The following CLSTN2 variants were observed in gnomAD, a reference collection of about 807,000 sequenced individuals.
The protein encoded by CLSTN2 is calsyntenin 2.
A neutral mutation model predicts 101.2 loss-of-function variants in CLSTN2; 48 were observed. The ratio of observed to expected loss-of-function variants is 0.47; its 90% confidence interval spans 0.38 to 0.60. CLSTN2 has a LOEUF of 0.60. Ranked by LOEUF, CLSTN2 falls within the 20% of genes least tolerant of loss-of-function variation. The probability of loss-of-function intolerance (pLI) is 0.00; values close to 1 mark genes in which losing one functional copy is unlikely to be tolerated. For missense variants in CLSTN2, 1,160 were observed against 1,238.2 expected (o/e 0.94, Z 0.95); for synonymous variants, 481 against 463.6 (o/e 1.04, Z -0.48).
At chr3:140,304,692 G>T (rs1576507195) in intron 2 of CLSTN2, among the ~76,000 whole-genome samples, 1 of 152,110 alleles carries the variant, frequency 6.6e-6, no homozygotes, top group South Asian at 2.1e-4. Context: ...ACTCTCCAGG[G>T]CTGTAGTGGA....
intron 1 of CLSTN2, among the ~76,000 whole-genome samples, chr3:140,022,454 A>G (rs1219088023): frequency 6.6e-6 from 1 of 152,180 alleles, no homozygotes; most frequent in Non-Finnish European, 1.5e-5. Context: ...TGCCCAGGAG[A>G]GGGGTCCACT....
intron 1 of CLSTN2, among the ~76,000 whole-genome samples, chr3:140,033,127 A>G (rs954498476): frequency 6.6e-6 from 1 of 152,248 alleles, no homozygotes. Context: ...GAAAAGAAAT[A>G]GGAGGACTGA....
intron 4 of CLSTN2, among the ~76,000 whole-genome samples, chr3:140,406,639 C>T (rs2088305604): frequency 6.6e-6 from 1 of 152,250 alleles, no homozygotes; most frequent in Admixed American, 6.5e-5. Context: ...CATGTGCACA[C>T]ACCACTCCAT....
At chr3:140,521,432 T>C (rs1576610071) in intron 8 of CLSTN2, among the ~76,000 whole-genome samples, 2 of 152,306 alleles carry the variant, frequency 1.3e-5, no homozygotes, top group East Asian at 1.9e-4. Context: ...CAGTTTTTCC[T>C]GTACCTGGAT....
intron 2 of CLSTN2, among the ~76,000 whole-genome samples, chr3:140,235,335 C>G (rs2086407092): frequency 6.6e-6 from 1 of 152,118 alleles, no homozygotes; most frequent in Non-Finnish European, 1.5e-5. Context: ...TTACCCTTTC[C>G]TTTCCACGAA....
chr3:140,524,453 CTTGAG>C (rs996123524), intron 8 of CLSTN2, among the ~76,000 whole-genome samples: 7 of 152,134 alleles, frequency 4.6e-5, no homozygotes, highest in African/African-American at 7.2e-5. Flanking sequence ...TTATATGTTC[CTTGAG>C]TTAAGATATC....
chr3:140,141,545 A>G (rs1043813758), intron 1 of CLSTN2, among the ~76,000 whole-genome samples: 4 of 152,212 alleles, frequency 2.6e-5, no homozygotes, highest in Non-Finnish European at 5.9e-5. Context: ...CAATAATAGC[A>G]AGCCAGACAA....
rs866071553 is a variant in CLSTN2, at chr3:140,419,926, T to C, written c.638-1199T>C. On this transcript the variant is annotated intron_variant, in intron 4 of 16. Transcript: ENST00000458420. Reference sequence around the variant, plus strand: ...GATTTTTTTTTTCAGACAGTCTTGCTCTGTCACCCAGGCTGGAGTACAGTG... The same window carrying C: ...GATTTTTTTTTTCAGACAGTCTTGCCCTGTCACCCAGGCTGGAGTACAGTG... Among the ~76,000 whole-genome samples, 5 of 148,088 alleles carry C rather than the reference T, an allele frequency of 3.4e-5. No individual in the cohort carries two copies. The South Asian group carries it at 8.6e-4, about 25-fold the overall frequency.
At chr3:140,474,396 C>T (rs1195690390) in intron 8 of CLSTN2, among the ~76,000 whole-genome samples, 1 of 152,138 alleles carries the variant, frequency 6.6e-6, no homozygotes, top group African/African-American at 2.4e-5. Flanking sequence ...CCTGGCTTTT[C>T]ACCAGGCCTG....
At position 140,097,471 on chromosome 3, in the gene CLSTN2, C is replaced by T. The variant is rs555889110; in HGVS notation, c.110-78480C>T. Reference sequence around the variant, plus strand: ...TCACAGCAGCCAATATACTTCAGCTCTAACTATGTGCCCTTGAAGAGCTTA... The same window carrying T: ...TCACAGCAGCCAATATACTTCAGCTTTAACTATGTGCCCTTGAAGAGCTTA... On this transcript the variant is annotated intron_variant, in intron 1 of 16. Coordinates refer to ENST00000458420, the MANE Select transcript of CLSTN2 (RefSeq NM_022131.3). Among the ~76,000 whole-genome samples, 239 of 152,298 alleles carry T rather than the reference C, an allele frequency of 1.6e-3. 1 individual carries two copies. Among genetic ancestry groups the T allele is most frequent in the African/African-American group, 5.3e-3 (221 of 41,570 alleles).
chr3:140,097,426 C>T (rs2008886979), intron 1 of CLSTN2, among the ~76,000 whole-genome samples: 1 of 152,118 alleles, frequency 6.6e-6, no homozygotes, highest in Non-Finnish European at 1.5e-5. Context: ...TTCTTGCGAT[C>T]ACCTTGATGA....
intron 1 of CLSTN2, among the ~76,000 whole-genome samples, chr3:140,035,327 G>A (rs2007633161): frequency 6.6e-6 from 1 of 152,242 alleles, no homozygotes; most frequent in Admixed American, 6.5e-5. Flanking sequence ...GGATGGGAAT[G>A]TCATGGTGCT....
intron 2 of CLSTN2, among the ~76,000 whole-genome samples, chr3:140,204,690 T>G (rs761121114): frequency 1.3e-5 from 2 of 152,138 alleles, no homozygotes; most frequent in Middle Eastern, 6.8e-3. Context: ...TATGCCCAAA[T>G]GTCCCTGCCT....
At position 139,953,146 on chromosome 3, in the gene CLSTN2, A is replaced by G. The variant is rs189149825; in HGVS notation, c.109+17663A>G. On this transcript the variant is annotated intron_variant, in intron 1 of 16. Transcript: ENST00000458420. ...GTTCAACCTCATAGCTGGCCTTGATACCTTCTAGGAAATGCCTTTCATCAG... is the reference window on the plus strand; with the variant it reads ...GTTCAACCTCATAGCTGGCCTTGATGCCTTCTAGGAAATGCCTTTCATCAG... Among the ~76,000 whole-genome samples, 4 of 152,212 alleles carry G rather than the reference A, an allele frequency of 2.6e-5. No homozygotes were observed. The East Asian group carries it at 7.7e-4, about 29-fold the overall frequency.
At chr3:140,331,044 A>G (rs1002389884) in intron 2 of CLSTN2, among the ~76,000 whole-genome samples, 4 of 152,206 alleles carry the variant, frequency 2.6e-5, no homozygotes, top group African/African-American at 9.7e-5. Flanking sequence ...GAAAGACAGA[A>G]GTTGGTAGCA....
intron 8 of CLSTN2, among the ~76,000 whole-genome samples, chr3:140,494,091 A>C (rs1934403171): frequency 6.6e-6 from 1 of 152,210 alleles, no homozygotes; most frequent in South Asian, 2.1e-4. Context: ...TTATGGACAT[A>C]ATAAGACAAT....
intron 2 of CLSTN2, among the ~76,000 whole-genome samples, chr3:140,206,855 G>T (rs771248186): frequency 2.6e-5 from 4 of 152,140 alleles, no homozygotes; most frequent in Non-Finnish European, 5.9e-5. Context: ...ATGCCCAGTA[G>T]CCAATAGACA....
chr3:140,051,505 A>C (rs866777965), intron 1 of CLSTN2, among the ~76,000 whole-genome samples: 3 of 152,084 alleles, frequency 2.0e-5, no homozygotes, highest in South Asian at 2.1e-4. Flanking sequence ...TCTGCTGAAC[A>C]GGCAAAAGGA....
intron 1 of CLSTN2, among the ~76,000 whole-genome samples, chr3:139,982,341 T>A (rs1935945530): frequency 6.6e-6 from 1 of 151,066 alleles, no homozygotes; most frequent in Non-Finnish European, 1.5e-5. Context: ...AATGATAGTA[T>A]ATTATATTAA....
Sources: allele counts gnomAD v4.1 joint callset (sites outside exome capture counted in the v4.1 genomes callset), GRCh38; gene constraint gnomAD v4.1.1; transcripts MANE v1.5; gene names NCBI Gene and HGNC (gene_info 2026-07-23, HGNC 2026-07-21).